ASXL2: variants seen among roughly 807,000 people sequenced by gnomAD.
ASXL2 encodes the protein putative Polycomb group protein ASXL2.
ASXL2 carries 23 observed loss-of-function variants against 122.0 expected under a neutral mutation model. That is an observed-to-expected ratio of 0.19 (90% CI 0.14 to 0.27). The LOEUF (loss-of-function observed/expected upper bound fraction) is 0.27, where lower values mean the gene tolerates loss of function less well. Among genes scored for constraint, ASXL2 ranks in the 10% least tolerant of loss-of-function variants. The pLI, the probability that ASXL2 is intolerant of heterozygous loss-of-function variation, is 1.00. For missense variants in ASXL2, 1,518 were observed against 1,713.8 expected (o/e 0.89, Z 2.02); for synonymous variants, 650 against 637.0 (o/e 1.02, Z -0.31).
chr2:25,836,380 T>C (rs2089510270), intron 2 of ASXL2, among the ~76,000 whole-genome samples: 1 of 152,154 alleles, frequency 6.6e-6, no homozygotes. Flanking sequence ...GCTTGGCAAA[T>C]AATCAAATGA....
chr2:25,806,585 A>G (rs2089085297), intron 3 of ASXL2, among the ~76,000 whole-genome samples: 2 of 152,244 alleles, frequency 1.3e-5, no homozygotes, highest in Admixed American at 1.3e-4. Flanking sequence ...ATTTAAGTCA[A>G]GAAAAATACA....
intron 3 of ASXL2, among the ~76,000 whole-genome samples, chr2:25,812,329 G>A (rs950410871): frequency 7.2e-5 from 11 of 151,852 alleles, no homozygotes; most frequent in South Asian, 2.1e-4. Context: ...GTATGGTGGC[G>A]GGCGCCTGTA....
At chr2:25,781,530 CATCT>C (rs1445618714) in intron 5 of ASXL2, among the ~76,000 whole-genome samples, 7 of 150,154 alleles carry the variant, frequency 4.7e-5, no homozygotes, top group African/African-American at 1.5e-4. Context: ...ATTTTATTTA[CATCT>C]ATTTATTTAC....
At chr2:25,748,518 T>A (rs970309961) in intron 12 of ASXL2, among the ~76,000 whole-genome samples, 3 of 147,982 alleles carry the variant, frequency 2.0e-5, no homozygotes, top group Admixed American at 6.7e-5. Context: ...AAAAAAAAAA[T>A]ACAATGAGAA....
intron 3 of ASXL2, among the ~76,000 whole-genome samples, chr2:25,821,842 A>C (rs2089314937): frequency 6.6e-6 from 1 of 152,254 alleles, no homozygotes; most frequent in Non-Finnish European, 1.5e-5. Context: ...TAGAGTGTTC[A>C]TCTTTCTGCT....
chr2:25,772,422 G>C (rs1241783709), intron 5 of ASXL2, among the ~76,000 whole-genome samples: 3 of 152,062 alleles, frequency 2.0e-5, no homozygotes, highest in Non-Finnish European at 4.4e-5. Context: ...AGGGCAATAA[G>C]CTTTAAGATG....
rs1237525599 is a variant in ASXL2 at position 25,739,977 on chromosome 2, C to A, written c.*2052G>T. 4 of 220,790 alleles carry A rather than the reference C, an allele frequency of 1.8e-5. No homozygotes were observed. Among genetic ancestry groups the A allele is most frequent in the Non-Finnish European group, 3.6e-5 (4 of 110,182 alleles). 13.7% of individuals were successfully genotyped at this position (220,790 alleles called of 1,614,324 possible). ...CTCTTTAAACCCTTCCTGGATTGCC[C>A]AAGGTACTGAATATTTGGGAGCACC... On this transcript the variant is annotated 3_prime_UTR_variant, in exon 13 of 13. Coordinates refer to ENST00000435504, the MANE Select transcript of ASXL2 (RefSeq NM_018263.6).
Position 25,822,999 on chromosome 2 carries a change from C to T in ASXL2, c.143+12539G>A, listed in dbSNP as rs531396121. On this transcript the variant is annotated intron_variant, in intron 3 of 12. Coordinates refer to ENST00000435504, the MANE Select transcript of ASXL2 (RefSeq NM_018263.6). ...TTGGGAAAGAAAAATAACTTCTCTG[C>T]AAGATTTCACAATTGAGAGAATTCC... 9.3e-5 allele frequency: 47 copies of T among 507,428 alleles called. 1 individual carries two copies. The highest frequency in any genetic ancestry group is 9.2e-4 in the African/African-American group (46 of 50,114). 31.4% of individuals were successfully genotyped at this position (507,428 alleles called of 1,614,324 possible).
intron 1 of ASXL2, among the ~76,000 whole-genome samples, chr2:25,877,122 C>T (rs2090016187): frequency 6.6e-6 from 1 of 152,078 alleles, no homozygotes; most frequent in South Asian, 2.1e-4. Flanking sequence ...AACCATATGG[C>T]ATCTAATAAG....
chr2:25,743,391 C>T lies in ASXL2; in HGVS notation c.2946G>A (p.Leu982=), dbSNP rs568474389. 3.1e-6 allele frequency: 5 copies of T among 1,613,922 alleles called. No homozygotes were observed. The highest frequency in any genetic ancestry group is 1.3e-5 in the African/African-American group (1 of 75,034). The change falls in exon 13 of 13, where the codon CTG becomes CTA. Residue 982 remains leucine (L), a synonymous_variant. Transcript: ENST00000435504. The part of the protein sequence containing the change: ...LTKVEMKTVP[L]TAKEERGMGA... ...CCATCCCCCTTTCCTCTTTTGCAGT[C>T]AGTGGAACCGTTTTCATTTCAACTT...
intron 11 of ASXL2, among the ~76,000 whole-genome samples, chr2:25,752,598 A>G (rs954925698): frequency 2.6e-5 from 4 of 152,170 alleles, no homozygotes; most frequent in African/African-American, 9.7e-5. Flanking sequence ...CTGTAATCCC[A>G]GCACTTTGGG....
intron 1 of ASXL2, among the ~76,000 whole-genome samples, chr2:25,870,614 G>A (rs1378879681): frequency 6.6e-6 from 1 of 152,092 alleles, no homozygotes; most frequent in Non-Finnish European, 1.5e-5. Flanking sequence ...CAAGGCTTCA[G>A]TAAGCCGTGA....
Position 25,737,860 on chromosome 2 carries a change from T to C in ASXL2, c.*4169A>G, listed in dbSNP as rs1410567286. ...TAAATGGTGTTGACACCAACTTCTC[T>C]GTACATACCCTCAATTCCAATGTTA... On this transcript the variant is annotated 3_prime_UTR_variant, in exon 13 of 13. Coordinates refer to ENST00000435504, the MANE Select transcript of ASXL2 (RefSeq NM_018263.6). 2.6e-5 allele frequency: 4 copies of C among 152,224 alleles called. No homozygotes were observed. The highest frequency in any genetic ancestry group is 7.2e-5 in the African/African-American group (3 of 41,462). The allele number at this position is 152,224 out of a possible 1,614,324, so 9.4% of individuals were successfully genotyped here.
chr2:25,833,243 T>C (rs2089474442), intron 3 of ASXL2, among the ~76,000 whole-genome samples: 1 of 152,234 alleles, frequency 6.6e-6, no homozygotes, highest in Admixed American at 6.5e-5. Context: ...CACTATGGTT[T>C]TGTACAATGT....
At chr2:25,863,329 C>CAA (rs113911503) in intron 1 of ASXL2, among the ~76,000 whole-genome samples, 1 of 124,248 alleles carries the variant, frequency 8.0e-6, no homozygotes, top group Non-Finnish European at 1.7e-5. Flanking sequence ...ACTCCATCTC[C>CAA]AAAAAAAAAA....
intron 9 of ASXL2, among the ~76,000 whole-genome samples, chr2:25,757,700 A>AAAAAG (rs2088161390): frequency 1.4e-5 from 2 of 147,022 alleles, no homozygotes; most frequent in African/African-American, 5.1e-5. Flanking sequence ...AAAAAAAAAA[A>AAAAAG]AGAATACCCC....
chr2:25,770,536 C>G (rs987847818), intron 6 of ASXL2, among the ~76,000 whole-genome samples: 1 of 152,080 alleles, frequency 6.6e-6, no homozygotes, highest in African/African-American at 2.4e-5. Flanking sequence ...AGTTGAATCA[C>G]TTGAGGTCAG....
chr2:25,743,740 G>A lies in ASXL2; in HGVS notation c.2597C>T (p.Pro866Leu). 9.9e-6 allele frequency: 16 copies of A among 1,613,994 alleles called. No individual in the cohort carries two copies. Among genetic ancestry groups the A allele is most frequent in the Non-Finnish European group, 1.3e-5 (15 of 1,179,898 alleles). The change falls in exon 13 of 13, where the codon CCT becomes CTT. Residue 866 changes from proline (P) to leucine (L), a missense_variant. This residue lies in a region of ASXL2 where 831 missense variants were observed against 833.1 expected (regional missense o/e 1.00). Coordinates refer to ENST00000435504, the MANE Select transcript of ASXL2 (RefSeq NM_018263.6). Reference protein sequence around the residue: ...ELKAGPSKNIPNPSASSKTDA... With the variant: ...ELKAGPSKNILNPSASSKTDA... The stretch of plus-strand genomic sequence containing the variant: ...TGTCTTTGATGAGGCTGAAGGGTTA[G>A]GTATATTCTTACTAGGACCTGCTTT...
intron 11 of ASXL2, among the ~76,000 whole-genome samples, chr2:25,751,617 G>C (rs2088045979): frequency 6.6e-6 from 1 of 150,474 alleles, no homozygotes; most frequent in South Asian, 2.1e-4. Context: ...CTGAGGGACA[G>C]AGTGGGACCC....
Sources: gnomAD v4.1 joint callset for allele counts (sites outside exome capture counted in the v4.1 genomes callset) on GRCh38, gnomAD v4.1.1 for gene constraint, gnomAD v4.1.1 regional missense constraint, MANE v1.5 for transcripts, NCBI Gene and HGNC (gene_info 2026-07-23, HGNC 2026-07-21) for gene names.